BAIAP2: variants seen among roughly 807,000 people sequenced by gnomAD.
BAIAP2 encodes BAR/IMD domain-containing adapter protein 2.
In BAIAP2, 18 loss-of-function variants were observed where a neutral mutation model predicts 63.0. The ratio of observed to expected loss-of-function variants is 0.29; its 90% CI spans 0.20 to 0.42. The LOEUF is 0.42. Among genes scored for constraint, BAIAP2 ranks in the 10% least tolerant of loss-of-function variants. The pLI, the probability that BAIAP2 is intolerant of heterozygous loss-of-function variation, is 1.00. For missense variants in BAIAP2, 610 were observed against 734.3 expected (o/e 0.83, Z 1.96); for synonymous variants, 386 against 307.6 (o/e 1.25, Z -2.67).
rs1057341191 is a variant in BAIAP2 at position 81,110,419 on chromosome 17, A to G, written c.1535+1910A>G. 5.6e-5 allele frequency: 55 copies of G among 990,850 alleles called. 1 individual carries two copies. Among genetic ancestry groups the G allele is most frequent in the Middle Eastern group, 5.1e-4 (1 of 1,944 alleles). The allele number at this position is 990,850 out of a possible 1,614,324, so 61.4% of individuals were successfully genotyped here. On this transcript the variant is annotated intron_variant, in intron 13 of 13. Transcript: ENST00000428708. ...TGTATGAAGATGTAAAGTGCTGAAC[A>G]TATTTTTTTCCTGTTTCCTTTCCTT... is the stretch of plus-strand genomic sequence containing the variant.
At chr17:81,052,572 A>T (rs1245066356) in intron 1 of BAIAP2, among the ~76,000 whole-genome samples, 2 of 152,010 alleles carry the variant, frequency 1.3e-5, no homozygotes, top group Non-Finnish European at 2.9e-5. Flanking sequence ...AAGAACACAC[A>T]CCCTGGCCAT....
intron 3 of BAIAP2, among the ~76,000 whole-genome samples, chr17:81,067,107 G>T (rs1390767909): frequency 6.6e-6 from 1 of 152,240 alleles, no homozygotes; most frequent in Non-Finnish European, 1.5e-5. Flanking sequence ...CCCAAGCCCA[G>T]CCTGGGGGCT....
At chr17:81,084,759 C>A in intron 3 of BAIAP2, 73 bp from the exon 4 acceptor site, 1 of 1,502,398 alleles carries the variant, frequency 6.7e-7, no homozygotes, top group Non-Finnish European at 9.2e-7. Flanking sequence ...TGGCTGTCAG[C>A]CCAGAGTGGG....
rs558317219 is a variant in BAIAP2, at chr17:81,101,508, C to T, written c.642+1428C>T. Among the ~76,000 whole-genome samples the T allele has an allele frequency of 2.5e-3, 374 of 152,296 alleles. 1 individual carries two copies. The highest frequency in any genetic ancestry group is 4.1e-3 in the Non-Finnish European group (277 of 68,004). On this transcript the variant is annotated intron_variant, in intron 7 of 13. Coordinates refer to ENST00000428708, the MANE Select transcript of BAIAP2 (RefSeq NM_001144888.2). ...TTCAAGAGTTTCGAAGATGTAGTTC[C>T]GGAGCCAAGCCCACCAGGGAGGCCC...
intron 13 of BAIAP2, chr17:81,110,535 T>C: frequency 2.7e-6 from 3 of 1,123,900 alleles, no homozygotes; most frequent in Non-Finnish European, 3.3e-6. Context: ...TGGACCTCCT[T>C]CCGGTTCCCG....
At chr17:81,111,560 G>A (rs2059931144) in intron 13 of BAIAP2, among the ~76,000 whole-genome samples, 2 of 150,464 alleles carry the variant, frequency 1.3e-5, no homozygotes, top group Non-Finnish European at 3.0e-5. Context: ...GTGTGGATCT[G>A]CAGACCTGGA....
intron 1 of BAIAP2, among the ~76,000 whole-genome samples, chr17:81,036,702 C>CT (rs2046317583): frequency 6.6e-6 from 1 of 152,218 alleles, no homozygotes; most frequent in Admixed American, 6.5e-5. Flanking sequence ...GAGGAGTCGG[C>CT]TTGGGAAAGG....
At chr17:81,092,687 G>A (rs1012573577) in intron 6 of BAIAP2, among the ~76,000 whole-genome samples, 6 of 152,202 alleles carry the variant, frequency 3.9e-5, no homozygotes, top group East Asian at 1.9e-4. Context: ...GGCCCGGCCC[G>A]GAGCACCGCC....
At chr17:81,045,554 C>T (rs1157474095) in intron 1 of BAIAP2, among the ~76,000 whole-genome samples, 1 of 150,848 alleles carries the variant, frequency 6.6e-6, no homozygotes, top group Non-Finnish European at 1.5e-5. Flanking sequence ...TATCTGGGCA[C>T]CGTGCCAAAG....
chr17:81,048,380 A>G (rs1293283962), intron 1 of BAIAP2, among the ~76,000 whole-genome samples: 2 of 140,344 alleles, frequency 1.4e-5, no homozygotes, highest in East Asian at 2.0e-4. Flanking sequence ...AAAAAAAAAA[A>G]GAATTCCTGA....
chr17:81,074,381 CGGATACGTGAGTGCTGGTGTGCGTGCAT>C (rs1263079468), intron 3 of BAIAP2, among the ~76,000 whole-genome samples: 1 of 150,060 alleles, frequency 6.7e-6, no homozygotes, highest in Non-Finnish European at 1.5e-5. Context: ...TGTGCGTGCA[CGGATACGTGAGTGCTGGTGTGCGTGCAT>C]GGATGCGTGT....
intron 2 of BAIAP2, among the ~76,000 whole-genome samples, chr17:81,055,074 C>T (rs2144177986): frequency 6.6e-6 from 1 of 152,310 alleles, no homozygotes; most frequent in Admixed American, 6.5e-5. Context: ...CTGCCGGCGC[C>T]CCCGGCTCCT....
intron 3 of BAIAP2, among the ~76,000 whole-genome samples, chr17:81,082,000 T>C (rs2054696618): frequency 6.6e-6 from 1 of 151,826 alleles, no homozygotes; most frequent in African/African-American, 2.4e-5. Context: ...GGGCGCGTCT[T>C]AGGTGGTTTG....
At chr17:81,070,493 A>G (rs2052403214) in intron 3 of BAIAP2, among the ~76,000 whole-genome samples, 1 of 152,120 alleles carries the variant, frequency 6.6e-6, no homozygotes, top group Non-Finnish European at 1.5e-5. Flanking sequence ...CACTGGGCAA[A>G]GGAAGAGGCA....
intron 3 of BAIAP2, among the ~76,000 whole-genome samples, chr17:81,080,674 C>T (rs1030508351): frequency 6.6e-6 from 1 of 152,212 alleles, no homozygotes; most frequent in Non-Finnish European, 1.5e-5. Flanking sequence ...TTTAGGGGAA[C>T]ACGTGCTTGT....
intron 3 of BAIAP2, among the ~76,000 whole-genome samples, chr17:81,064,459 G>T (rs1302916890): frequency 2.0e-5 from 3 of 152,246 alleles, no homozygotes; most frequent in African/African-American, 7.2e-5. Flanking sequence ...AAGAGTGAGG[G>T]TCCTGGCAGC....
chr17:81,085,371 C>T (rs1216850013), intron 4 of BAIAP2: 7 of 605,452 alleles, frequency 1.2e-5, no homozygotes, highest in Non-Finnish European at 3.0e-6. Context: ...TGATCCCCAG[C>T]ATGGGACAGC....
intron 13 of BAIAP2, chr17:81,110,179 C>T: frequency 5.1e-6 from 5 of 985,714 alleles, no homozygotes; most frequent in South Asian, 4.7e-5. Context: ...TTAGTAAAAG[C>T]CTCCCACACA....
chr17:81,060,470 C>T (rs1304448136), intron 3 of BAIAP2, among the ~76,000 whole-genome samples: 1 of 152,176 alleles, frequency 6.6e-6, no homozygotes, highest in African/African-American at 2.4e-5. Context: ...GTGTCTGACC[C>T]TTTTCCCTGA....
Sources: allele counts gnomAD v4.1 joint callset (sites outside exome capture counted in the v4.1 genomes callset), GRCh38; gene constraint gnomAD v4.1.1; transcripts MANE v1.5; gene names NCBI Gene and HGNC (gene_info 2026-07-23, HGNC 2026-07-21).